The following SCAI variants were observed in gnomAD, a reference collection of about 807,000 sequenced individuals.
SCAI encodes the protein protein SCAI.
A neutral mutation model predicts 92.2 loss-of-function variants in SCAI; 24 were observed. The observed-to-expected ratio is 0.26, with a 90% CI of 0.19 to 0.37. The LOEUF (loss-of-function observed/expected upper bound fraction) is 0.37, where lower values mean the gene tolerates loss of function less well. Ranked by LOEUF, SCAI falls within the 10% of genes least tolerant of loss-of-function variation. The probability of loss-of-function intolerance (pLI) is 1.00; values close to 1 mark genes in which losing one functional copy is unlikely to be tolerated. For synonymous variants in SCAI, 261 were observed against 258.6 expected (o/e 1.01, Z -0.09); for missense variants, 450 against 736.2 (o/e 0.61, Z 4.50).
chr9:125,062,548 C>T (rs926604097), intron 2 of SCAI, among the ~76,000 whole-genome samples: 5 of 147,902 alleles, frequency 3.4e-5, no homozygotes, highest in East Asian at 2.0e-4. Context: ...CAAAGGAGTT[C>T]GAGACCAGCC....
At chr9:125,132,775 T>G (rs529338009) in intron 2 of SCAI, among the ~76,000 whole-genome samples, 1 of 152,228 alleles carries the variant, frequency 6.6e-6, no homozygotes, top group East Asian at 1.9e-4. Flanking sequence ...AAGAGCAGCC[T>G]GACCAACATG....
At chr9:125,093,229 T>C (rs1834475145) in intron 2 of SCAI, among the ~76,000 whole-genome samples, 1 of 151,982 alleles carries the variant, frequency 6.6e-6, no homozygotes, top group Non-Finnish European at 1.5e-5. Context: ...GGCATGGTGG[T>C]GCACGCCTGT....
rs1238791820 is a variant in SCAI at position 124,950,024 on chromosome 9, T to C, written c.*2783A>G. 1 of 152,198 alleles carries C rather than the reference T, an allele frequency of 6.6e-6. No individual in the cohort carries two copies. Among genetic ancestry groups the C allele is most frequent in the African/African-American group, 2.4e-5 (1 of 41,442 alleles). 9.4% of individuals were successfully genotyped at this position (152,198 alleles called of 1,614,324 possible). On this transcript the variant is annotated 3_prime_UTR_variant, in exon 18 of 18. Coordinates refer to ENST00000336505, the MANE Select transcript of SCAI (RefSeq NM_001144877.3). ...AACATCATAAGGGTCAATGTTGTGATTTCTAAGACCCTCATTTTTAGACAA... is the reference window on the plus strand; with the variant it reads ...AACATCATAAGGGTCAATGTTGTGACTTCTAAGACCCTCATTTTTAGACAA...
At chr9:124,956,368 G>A (rs773607250) in intron 17 of SCAI, among the ~76,000 whole-genome samples, 2 of 152,074 alleles carry the variant, frequency 1.3e-5, no homozygotes, top group Non-Finnish European at 2.9e-5. Flanking sequence ...ACAGGCATGC[G>A]CCACCACGCC....
In SCAI at chr9:124,950,009, G is replaced by A. The variant is rs1027831535; in HGVS notation, c.*2798C>T. The A allele has an allele frequency of 1.3e-5, 2 of 152,138 alleles. No homozygotes were observed. The highest frequency in any genetic ancestry group is 2.9e-5 in the Non-Finnish European group (2 of 68,034). The allele number at this position is 152,138 out of a possible 1,614,324, so 9.4% of individuals were successfully genotyped here. A position where few individuals can be genotyped will look rare whatever the true frequency, so the allele number is the denominator to read the frequency against. On this transcript the variant is annotated 3_prime_UTR_variant, in exon 18 of 18. Transcript: ENST00000336505. ...ATTAGCTTAAGGGGCAACATCATAA[G>A]GGTCAATGTTGTGATTTCTAAGACC...
intron 2 of SCAI, among the ~76,000 whole-genome samples, chr9:125,129,039 A>T (rs150928615): frequency 1.3e-5 from 2 of 152,050 alleles, no homozygotes; most frequent in Admixed American, 6.6e-5. Context: ...CTCCAGCCTA[A>T]GCAACAAGAG....
At chr9:125,055,838 A>C (rs771667325) in intron 3 of SCAI, 38 bp downstream of exon 3, 3 of 1,548,968 alleles carry the variant, frequency 1.9e-6, no homozygotes, top group South Asian at 2.5e-5. Flanking sequence ...ACAAATGCAG[A>C]ACTAAAGAAA....
intron 2 of SCAI, among the ~76,000 whole-genome samples, chr9:125,139,654 A>G (rs1835619191): frequency 6.6e-6 from 1 of 152,140 alleles, no homozygotes; most frequent in Admixed American, 6.5e-5. Flanking sequence ...AATAAAGGCA[A>G]TTTTTTTATA....
chr9:125,039,553 A>G (rs2131106093), intron 3 of SCAI, among the ~76,000 whole-genome samples: 1 of 152,264 alleles, frequency 6.6e-6, no homozygotes, highest in Non-Finnish European at 1.5e-5. Context: ...AGAAGCTTAA[A>G]ACAAAAACCA....
intron 14 of SCAI, among the ~76,000 whole-genome samples, chr9:124,990,970 A>G (rs1243961547): frequency 6.6e-6 from 1 of 152,204 alleles, no homozygotes; most frequent in Non-Finnish European, 1.5e-5. Flanking sequence ...CCCAGCTACA[A>G]GTGGTTCGAA....
At chr9:124,989,312 G>A (rs184681157) in intron 14 of SCAI, among the ~76,000 whole-genome samples, 1 of 152,216 alleles carries the variant, frequency 6.6e-6, no homozygotes, top group East Asian at 1.9e-4. Context: ...CGGCGCCGTG[G>A]CTCAGGCTGA....
chr9:124,984,631 T>C (rs1218496445), intron 14 of SCAI, among the ~76,000 whole-genome samples: 1 of 152,080 alleles, frequency 6.6e-6, no homozygotes, highest in African/African-American at 2.4e-5. Context: ...TATAATAGCA[T>C]AGTAGCCATG....
chr9:124,967,803 T>C (rs1164401581), intron 17 of SCAI, among the ~76,000 whole-genome samples: 1 of 152,218 alleles, frequency 6.6e-6, no homozygotes, highest in Non-Finnish European at 1.5e-5. Flanking sequence ...GACACTTCAA[T>C]GCTAAAGAGC....
chr9:124,990,126 A>T (rs1832087940), intron 14 of SCAI, among the ~76,000 whole-genome samples: 1 of 152,106 alleles, frequency 6.6e-6, no homozygotes, highest in Admixed American at 6.6e-5. Context: ...GTGAGCCAAG[A>T]TCACGCCATT....
chr9:124,981,108 ATTAAGT>A (rs991811941), intron 14 of SCAI, among the ~76,000 whole-genome samples: 4 of 152,210 alleles, frequency 2.6e-5, no homozygotes, highest in African/African-American at 7.2e-5. Flanking sequence ...ATTCAAAGCT[ATTAAGT>A]TTAAGAAAAA....
intron 2 of SCAI, among the ~76,000 whole-genome samples, chr9:125,084,175 T>C (rs1834278022): frequency 7.6e-6 from 1 of 130,984 alleles, no homozygotes; most frequent in Non-Finnish European, 1.6e-5. Flanking sequence ...TTTTTTTTTT[T>C]TTTTTTTTTT....
At chr9:125,093,729 C>T (rs1181937121) in intron 2 of SCAI, among the ~76,000 whole-genome samples, 3 of 152,030 alleles carry the variant, frequency 2.0e-5, no homozygotes, top group Non-Finnish European at 4.4e-5. Context: ...ACACGCCTGG[C>T]TAATTTTTGT....
chr9:125,143,003 C>A (rs917018338), intron 1 of SCAI, among the ~76,000 whole-genome samples: 1 of 148,914 alleles, frequency 6.7e-6, no homozygotes, highest in Non-Finnish European at 1.5e-5. Context: ...CCCCCGCAAG[C>A]CCCCCTAGCC....
chr9:125,002,065 T>A (rs777825019), intron 11 of SCAI, 22 bp from the exon 12 acceptor site: 6 of 1,518,800 alleles, frequency 4.0e-6, no homozygotes, highest in Non-Finnish European at 5.5e-6. Flanking sequence ...GAAAATCACA[T>A]ACACAAAACA....
Sources: gnomAD v4.1 joint callset for allele counts (sites outside exome capture counted in the v4.1 genomes callset) on GRCh38, gnomAD v4.1.1 for gene constraint, MANE v1.5 for transcripts, NCBI Gene and HGNC (gene_info 2026-07-23, HGNC 2026-07-21) for gene names.